The following L2HGDH variants were observed in gnomAD, a reference collection of about 807,000 sequenced individuals.
L2HGDH encodes the protein L-2-hydroxyglutarate dehydrogenase, mitochondrial.
In L2HGDH, 34 loss-of-function variants were observed where a neutral mutation model predicts 51.5. The ratio of observed to expected loss-of-function variants is 0.66; its 90% CI spans 0.50 to 0.88. The LOEUF is 0.88. L2HGDH is among the 40% of genes least tolerant of loss of function. L2HGDH has a pLI of 0.00. For missense variants in L2HGDH, 558 were observed against 571.9 expected (o/e 0.98, Z 0.25); for synonymous variants, 198 against 197.9 (o/e 1.00, Z -0.01).
At chr14:50,302,240 C>A in intron 2 of L2HGDH, 72 bp from the exon 3 acceptor site, 1 of 1,513,462 alleles carries the variant, frequency 6.6e-7, no homozygotes, top group South Asian at 1.1e-5. Context: ...AGAGAACAAA[C>A]TTATAGTTGA....
At chr14:50,256,874 C>T (rs534754351) in intron 9 of L2HGDH, among the ~76,000 whole-genome samples, 5 of 152,094 alleles carry the variant, frequency 3.3e-5, no homozygotes, top group African/African-American at 4.8e-5. Flanking sequence ...TGCCTCTTCT[C>T]AATTTCTCTG....
chr14:50,263,253 C>T lies in L2HGDH; in HGVS notation c.1196+2105G>A, dbSNP rs1595080405. On this transcript the variant is annotated intron_variant, in intron 9 of 9. Transcript: ENST00000267436. Reference sequence around the variant, plus strand: ...TCAGATATAAAACATCACAAGTTTGCTAAAGCAGATCACTGAAAACATAAA... The same window carrying T: ...TCAGATATAAAACATCACAAGTTTGTTAAAGCAGATCACTGAAAACATAAA... Among the ~76,000 whole-genome samples the T allele has an allele frequency of 2.6e-5, 4 of 152,272 alleles. No individual in the cohort carries two copies. The East Asian group carries it at 7.7e-4, about 29-fold the overall frequency.
intron 9 of L2HGDH, among the ~76,000 whole-genome samples, chr14:50,259,490 A>G (rs1210668720): frequency 6.7e-6 from 1 of 149,980 alleles, no homozygotes; most frequent in African/African-American, 2.5e-5. Context: ...GATTACAGGC[A>G]TGAGCCACCC....
At chr14:50,288,867 C>A (rs1364472591) in intron 4 of L2HGDH, among the ~76,000 whole-genome samples, 1 of 152,220 alleles carries the variant, frequency 6.6e-6, no homozygotes, top group Non-Finnish European at 1.5e-5. Flanking sequence ...TTTTCTAAAT[C>A]TTTGAATGAG....
intron 6 of L2HGDH, among the ~76,000 whole-genome samples, chr14:50,270,631 C>A (rs541037445): frequency 6.6e-6 from 1 of 152,096 alleles, no homozygotes; most frequent in African/African-American, 2.4e-5. Context: ...CTCAGCCTTC[C>A]GAGTAGCCGG....
At chr14:50,282,606 T>C (rs1049301684) in intron 5 of L2HGDH, 4 of 438,454 alleles carry the variant, frequency 9.1e-6, no homozygotes, top group African/African-American at 8.1e-5. Flanking sequence ...CACTCACTAC[T>C]TGTACAACCA....
chr14:50,298,136 T>A (rs990973761), intron 3 of L2HGDH, among the ~76,000 whole-genome samples: 2 of 149,168 alleles, frequency 1.3e-5, no homozygotes, highest in Non-Finnish European at 3.0e-5. Context: ...CCCAGCGACT[T>A]GGGAGGCTGA....
chr14:50,264,647 T>C (rs1889233800), intron 9 of L2HGDH, among the ~76,000 whole-genome samples: 1 of 152,130 alleles, frequency 6.6e-6, no homozygotes, highest in Admixed American at 6.6e-5. Flanking sequence ...AAATACCACA[T>C]GTTCTCACTT....
At chr14:50,294,094 A>G (rs1347040357) in intron 4 of L2HGDH, 21 bp downstream of exon 4, 2 of 1,613,124 alleles carry the variant, frequency 1.2e-6, no homozygotes, top group Non-Finnish European at 1.7e-6. Flanking sequence ...AAATAAAAAC[A>G]TCCCTTTGTT....
intron 5 of L2HGDH, among the ~76,000 whole-genome samples, chr14:50,282,279 T>C (rs1780580752): frequency 6.6e-6 from 1 of 152,094 alleles, no homozygotes; most frequent in South Asian, 2.1e-4. Context: ...CCAATATCAA[T>C]AGTGTCAGGA....
At chr14:50,303,555 T>A (rs146507815) in intron 1 of L2HGDH, among the ~76,000 whole-genome samples, 1,914 of 150,884 alleles carry the variant, frequency 0.013, 41 homozygotes, top group African/African-American at 0.045. Flanking sequence ...GGTGGGTGGA[T>A]CACTTGAGGT....
rs938955657 is a variant in L2HGDH at position 50,245,271 on chromosome 14, A to G, written c.*1787T>C. Reference sequence around the variant, plus strand: ...TGTGACTAAAGATCAGAGATATAATAGATAAATAACTTTTTTAAATTGGAG... The same window carrying G: ...TGTGACTAAAGATCAGAGATATAATGGATAAATAACTTTTTTAAATTGGAG... On this transcript the variant is annotated 3_prime_UTR_variant, in exon 10 of 10. Transcript: ENST00000267436. The G allele has an allele frequency of 1.7e-4, 165 of 984,896 alleles. No homozygotes were observed. In the Middle Eastern group the frequency reaches 2.6e-3, roughly 15 times the overall value. The allele number at this position is 984,896 out of a possible 1,614,324, so 61.0% of individuals were successfully genotyped here. A position where few individuals can be genotyped will look rare whatever the true frequency, so the allele number is the denominator to read the frequency against.
chr14:50,310,822 C>T (rs753350705), intron 1 of L2HGDH, among the ~76,000 whole-genome samples: 2 of 152,048 alleles, frequency 1.3e-5, no homozygotes, highest in Admixed American at 6.6e-5. Context: ...AAATCACAAT[C>T]GCTATTACTG....
intron 6 of L2HGDH, among the ~76,000 whole-genome samples, chr14:50,271,831 C>T (rs1889709441): frequency 6.6e-6 from 1 of 152,044 alleles, no homozygotes; most frequent in African/African-American, 2.4e-5. Flanking sequence ...GCAAATCCTA[C>T]CTGCAAAAAT....
intron 6 of L2HGDH, among the ~76,000 whole-genome samples, chr14:50,276,555 T>C (rs773591480): frequency 6.6e-6 from 1 of 151,338 alleles, no homozygotes; most frequent in South Asian, 2.1e-4. Flanking sequence ...TAAGGTTAAA[T>C]GAGGTCATAA....
intron 1 of L2HGDH, among the ~76,000 whole-genome samples, chr14:50,309,671 A>T (rs945322684): frequency 1.1e-4 from 17 of 148,872 alleles, no homozygotes; most frequent in African/African-American, 4.2e-4. Context: ...GTGGCAATAG[A>T]ATATTTTTAT....
chr14:50,253,066 T>A (rs955289549), intron 9 of L2HGDH, among the ~76,000 whole-genome samples: 1 of 152,048 alleles, frequency 6.6e-6, no homozygotes, highest in Non-Finnish European at 1.5e-5. Flanking sequence ...TTCAAAAAAT[T>A]TGGAATAATA....
Position 50,246,640 on chromosome 14 carries a change from G to A in L2HGDH, c.*418C>T, listed in dbSNP as rs1265159057. ...TGTAGAAACAGGGTTTTGCCATGTT[G>A]CCCAGGCTGTTCTCAAACTCCTGGG... On this transcript the variant is annotated 3_prime_UTR_variant, in exon 10 of 10. Coordinates refer to ENST00000267436, the MANE Select transcript of L2HGDH (RefSeq NM_024884.3). 1.7e-5 allele frequency: 3 copies of A among 174,268 alleles called. No homozygotes were observed. Among genetic ancestry groups the A allele is most frequent in the Non-Finnish European group, 2.5e-5 (2 of 81,402 alleles). 10.8% of individuals were successfully genotyped at this position (174,268 alleles called of 1,614,324 possible).
At position 50,306,584 on chromosome 14, in the gene L2HGDH, G is replaced by T. The variant is rs545757533; in HGVS notation, c.141-3567C>A. ...TGCTGCCTTTTGTTTTTTTTGGGGG[G>T]TTTTTTTGTTTTGGGGTTTTTTTTT... On this transcript the variant is annotated intron_variant, in intron 1 of 9. Coordinates refer to ENST00000267436, the MANE Select transcript of L2HGDH (RefSeq NM_024884.3). 2.5e-3 allele frequency among the ~76,000 whole-genome samples: 329 copies of T among 132,186 alleles called. 1 individual carries two copies. The highest frequency in any genetic ancestry group is 7.8e-3 in the African/African-American group (268 of 34,144). 86.7% of individuals were successfully genotyped at this position (132,186 alleles called of 152,430 possible).
Sources: gnomAD v4.1 joint callset for allele counts (sites outside exome capture counted in the v4.1 genomes callset) on GRCh38, gnomAD v4.1.1 for gene constraint, MANE v1.5 for transcripts, NCBI Gene and HGNC (gene_info 2026-07-23, HGNC 2026-07-21) for gene names.